Variants in DLGAP2 observed in about 807,000 individuals in gnomAD.
DLGAP2 encodes disks large-associated protein 2.
Under a neutral mutation model 100.3 loss-of-function variants are expected in DLGAP2, and 26 were observed. The ratio of observed to expected loss-of-function variants is 0.26; its 90% confidence interval spans 0.19 to 0.36. The LOEUF is 0.36. DLGAP2 is among the 10% of genes least tolerant of loss of function. The probability of loss-of-function intolerance (pLI) is 1.00; values close to 1 mark genes in which losing one functional copy is unlikely to be tolerated. For missense variants in DLGAP2, 1,858 were observed against 1,453.2 expected (o/e 1.28, Z -4.53); for synonymous variants, 886 against 630.1 (o/e 1.41, Z -6.08).
intron 2 of DLGAP2, among the ~76,000 whole-genome samples, chr8:947,364 C>T (rs1212957898): frequency 1.3e-5 from 2 of 152,218 alleles, no homozygotes; most frequent in Admixed American, 6.5e-5. Flanking sequence ...GGGGCTCCCT[C>T]ACACAGGACG....
intron 3 of DLGAP2, among the ~76,000 whole-genome samples, chr8:1,265,396 G>T (rs960269894): frequency 1.3e-5 from 2 of 152,180 alleles, no homozygotes; most frequent in Non-Finnish European, 2.9e-5. Flanking sequence ...TAGATACTAG[G>T]ATATCACCTA....
chr8:1,029,221 G>A (rs181150324), intron 2 of DLGAP2, among the ~76,000 whole-genome samples: 3 of 152,312 alleles, frequency 2.0e-5, no homozygotes, highest in South Asian at 2.1e-4. Flanking sequence ...CACTGGAACC[G>A]CTTGGGAAAG....
At chr8:884,158 T>C (rs1797875585) in intron 1 of DLGAP2, among the ~76,000 whole-genome samples, 2 of 152,214 alleles carry the variant, frequency 1.3e-5, no homozygotes, top group South Asian at 4.1e-4. Context: ...ATATACCCAG[T>C]AATGGGATTG....
At chr8:911,436 T>G (rs532939113) in intron 2 of DLGAP2, among the ~76,000 whole-genome samples, 4 of 151,066 alleles carry the variant, frequency 2.6e-5, no homozygotes, top group Admixed American at 6.6e-5. Flanking sequence ...GGAAGGATGG[T>G]TGTATAATGT....
At chr8:1,341,771 C>T (rs7830846) in intron 3 of DLGAP2, among the ~76,000 whole-genome samples, 80 of 152,300 alleles carry the variant, frequency 5.3e-4, no homozygotes, top group African/African-American at 1.9e-3. Flanking sequence ...CATTTCCCAG[C>T]TGCAGTAGGA....
chr8:1,068,596 G>A (rs556933219), intron 2 of DLGAP2, among the ~76,000 whole-genome samples: 22 of 152,256 alleles, frequency 1.4e-4, no homozygotes, highest in African/African-American at 5.3e-4. Flanking sequence ...TTGCTGCTAT[G>A]TGAGGAGGAG....
At chr8:1,390,968 C>T (rs901399799) in intron 3 of DLGAP2, among the ~76,000 whole-genome samples, 3 of 152,150 alleles carry the variant, frequency 2.0e-5, no homozygotes, top group Non-Finnish European at 4.4e-5. Flanking sequence ...TCAGAAAGAC[C>T]CAGGGTCTGT....
chr8:1,280,896 T>C (rs1457822692), intron 3 of DLGAP2, among the ~76,000 whole-genome samples: 3 of 152,202 alleles, frequency 2.0e-5, no homozygotes, highest in Non-Finnish European at 2.9e-5. Flanking sequence ...ACCTATTACA[T>C]GCGTATTCTG....
chr8:1,555,054 T>C (rs1801913363), intron 5 of DLGAP2, among the ~76,000 whole-genome samples: 1 of 152,178 alleles, frequency 6.6e-6, no homozygotes, highest in Non-Finnish European at 1.5e-5. Context: ...GGAGGGCTTT[T>C]GTTTTAAGTG....
intron 2 of DLGAP2, among the ~76,000 whole-genome samples, chr8:1,186,404 G>C (rs191475458): frequency 6.6e-6 from 1 of 152,218 alleles, no homozygotes. Flanking sequence ...GAAACGGGTG[G>C]GGGACAGTTC....
chr8:1,190,407 GC>G, intron 2 of DLGAP2, among the ~76,000 whole-genome samples: 1 of 37,512 alleles, frequency 2.7e-5, no homozygotes, highest in African/African-American at 9.4e-5. Flanking sequence ...CGGGGCATCT[GC>G]TGTTGGGGCA....
At position 1,255,005 on chromosome 8, in the gene DLGAP2, G is replaced by T. The variant is rs867811044; in HGVS notation, c.74-3846G>T. ...TGCTGTGTGTGTGTCCTCTCATCCT[G>T]CTTGGGCGCTGTGTGTGTGTCTTCT... On this transcript the variant is annotated intron_variant, in intron 2 of 14. Transcript: ENST00000637795. Among the ~76,000 whole-genome samples the T allele has an allele frequency of 3.0e-5, 3 of 99,458 alleles. No homozygotes were observed. The South Asian group carries it at 1.1e-3, about 35-fold the overall frequency. The allele number at this position is 99,458 out of a possible 152,430, so 65.2% of individuals were successfully genotyped here.
Position 982,788 on chromosome 8 carries a change from T to C in DLGAP2, c.73+74822T>C, listed in dbSNP as rs574812253. 2.6e-5 allele frequency among the ~76,000 whole-genome samples: 4 copies of C among 152,260 alleles called. No individual in the cohort carries two copies. The East Asian group carries it at 7.7e-4, about 29-fold the overall frequency. Reference sequence around the variant, plus strand: ...GGGCTACCTTTCGTATGGAGCTTTCTAGTCCACAGTTGGTCCGTTTATACT... The same window carrying C: ...GGGCTACCTTTCGTATGGAGCTTTCCAGTCCACAGTTGGTCCGTTTATACT... On this transcript the variant is annotated intron_variant, in intron 2 of 14. Coordinates refer to ENST00000637795, the MANE Select transcript of DLGAP2 (RefSeq NM_001346810.2).
In DLGAP2 at chr8:1,643,208, G is replaced by C. The variant is rs1291853687; in HGVS notation, c.1810+10162G>C. ...GCCGGCCCTCACCTGTGTCACCCTGGAACCCGCCGGCCCTCACCTGTGTCA... is the reference window on the plus strand; with the variant it reads ...GCCGGCCCTCACCTGTGTCACCCTGCAACCCGCCGGCCCTCACCTGTGTCA... On this transcript the variant is annotated intron_variant, in intron 8 of 14. Transcript: ENST00000637795. Among the ~76,000 whole-genome samples the C allele has an allele frequency of 1.6e-4, 3 of 18,926 alleles. 1 individual carries two copies. The highest frequency in any genetic ancestry group is 8.1e-5 in the Non-Finnish European group (1 of 12,340). The allele number at this position is 18,926 out of a possible 152,430, so 12.4% of individuals were successfully genotyped here. A position where few individuals can be genotyped will look rare whatever the true frequency, so the allele number is the denominator to read the frequency against.
rs1373417387 is a variant in DLGAP2 at position 1,170,588 on chromosome 8, A to AAT, written c.74-88263_74-88262insAT. 3.6e-5 allele frequency among the ~76,000 whole-genome samples: 5 copies of AAT among 138,858 alleles called. No individual in the cohort carries two copies. In the East Asian group the frequency reaches 6.3e-4, roughly 17 times the overall value. The allele number at this position is 138,858 out of a possible 152,430, so 91.1% of individuals were successfully genotyped here. Reference sequence around the variant, plus strand: ...CTGTTATTGGTCTATTCAGAGATTCAGCTTCTTCCTGGTTTAGTCTTGGGA... The same window carrying AAT: ...CTGTTATTGGTCTATTCAGAGATTCAATGCTTCTTCCTGGTTTAGTCTTGGGA... On this transcript the variant is annotated intron_variant, in intron 2 of 14. Transcript: ENST00000637795.
intron 2 of DLGAP2, among the ~76,000 whole-genome samples, chr8:1,246,159 A>G (rs556239184): frequency 6.6e-6 from 1 of 152,242 alleles, no homozygotes; most frequent in African/African-American, 2.4e-5. Context: ...CTTTGTAATT[A>G]CTCCATAGCC....
intron 2 of DLGAP2, among the ~76,000 whole-genome samples, chr8:1,210,795 C>G (rs1798087782): frequency 6.6e-6 from 1 of 151,938 alleles, no homozygotes; most frequent in African/African-American, 2.4e-5. Context: ...CCACAGCTCC[C>G]CTGGGCCCCA....
intron 1 of DLGAP2, among the ~76,000 whole-genome samples, chr8:835,571 G>A (rs1796857612): frequency 1.3e-5 from 2 of 151,854 alleles, no homozygotes; most frequent in Non-Finnish European, 1.5e-5. Context: ...TGTGTCCGGG[G>A]GTTCGTTTGT....
At position 1,258,996 on chromosome 8, in the gene DLGAP2, G is replaced by A. The variant is rs564240090; in HGVS notation, c.106+113G>A. 2.3e-5 allele frequency: 21 copies of A among 909,506 alleles called. 1 individual carries two copies. The highest frequency in any genetic ancestry group is 2.2e-4 in the South Asian group (4 of 17,814). The allele number at this position is 909,506 out of a possible 1,614,324, so 56.3% of individuals were successfully genotyped here. On this transcript the variant is annotated intron_variant, in intron 3 of 14. Coordinates refer to ENST00000637795, the MANE Select transcript of DLGAP2 (RefSeq NM_001346810.2). ...GGAGAGAACCTTGAACATTGAGGAC[G>A]CAGTCTGTGTGCTGTTTGATAGGAA... is the stretch of plus-strand genomic sequence containing the variant.
Sources: allele counts gnomAD v4.1 joint callset (sites outside exome capture counted in the v4.1 genomes callset), GRCh38; gene constraint gnomAD v4.1.1; transcripts MANE v1.5; gene names NCBI Gene and HGNC (gene_info 2026-07-23, HGNC 2026-07-21).